The following NOTCH3 variants were observed in gnomAD, a reference collection of about 807,000 sequenced individuals.
NOTCH3 encodes the protein notch receptor 3.
Under a neutral mutation model 213.3 loss-of-function variants are expected in NOTCH3, and 86 were observed. The ratio of observed to expected loss-of-function variants is 0.40; its 90% CI spans 0.34 to 0.48. The LOEUF (loss-of-function observed/expected upper bound fraction) is 0.48. Ranked by LOEUF, NOTCH3 falls within the 20% of genes least tolerant of loss-of-function variation. The pLI is 0.57. For missense variants in NOTCH3, 2,783 were observed against 3,272.6 expected (o/e 0.85, Z 3.65); for synonymous variants, 1,354 against 1,355.9 (o/e 1.00, Z 0.03).
rs532321489 is a variant in NOTCH3 at position 15,190,587 on chromosome 19, TTC to T, written c.1036+835_1036+836del. Among the ~76,000 whole-genome samples, 18 of 152,284 alleles carry T rather than the reference TTC, an allele frequency of 1.2e-4. 1 individual carries two copies. In the South Asian group the frequency reaches 3.7e-3, roughly 32 times the overall value. The stretch of plus-strand genomic sequence containing the variant: ...AAGCTGCCTCCAGCATCATCTTTTT[TTC>T]TCTCTCTTTTTTGTTATACACGGTC... On this transcript the variant is annotated intron_variant, in intron 6 of 32. Coordinates refer to ENST00000263388, the MANE Select transcript of NOTCH3 (RefSeq NM_000435.3).
At position 15,174,158 on chromosome 19, in the gene NOTCH3, G is replaced by C. The variant is rs1188836728; in HGVS notation, c.4646C>G (p.Ala1549Gly). 6.2e-7 allele frequency: 1 copy of C among 1,609,578 alleles called. No homozygotes were observed. Among genetic ancestry groups the C allele is most frequent in the Non-Finnish European group, 8.5e-7 (1 of 1,179,228 alleles). Residue 1549 changes from alanine (A) to glycine (G), a missense_variant, in exon 25 of 33, where the codon GCG becomes GGG. Ala to Gly is a moderately conservative substitution (Grantham distance 60). Around this residue, in one of 6 missense-constraint regions of NOTCH3, gnomAD observed 636 missense variants for 801.8 expected, o/e 0.79. Coordinates refer to ENST00000263388, the MANE Select transcript of NOTCH3 (RefSeq NM_000435.3). ...LRTSLRFRLD[A>G]HGQAMVFPYH... ...AGGGAAGACCATGGCCTGGCCGTGCGCGTCCAGGCGGAAGCGCAGCGAGGT... is the reference window on the plus strand; with the variant it reads ...AGGGAAGACCATGGCCTGGCCGTGCCCGTCCAGGCGGAAGCGCAGCGAGGT...
chr19:15,197,025 A>G (rs887180053), intron 2 of NOTCH3, among the ~76,000 whole-genome samples: 2 of 152,208 alleles, frequency 1.3e-5, no homozygotes, highest in Non-Finnish European at 2.9e-5. Context: ...GCCCAAAGTC[A>G]CACTGCAAGT....
At position 15,167,417 on chromosome 19, in the gene NOTCH3, G is replaced by A. The variant is rs754274424; in HGVS notation, c.5200-6C>T. 9.4e-6 allele frequency: 15 copies of A among 1,602,868 alleles called. No individual in the cohort carries two copies. In the African/African-American group the frequency reaches 1.9e-4, roughly 20 times the overall value. On this transcript the variant is annotated splice_polypyrimidine_tract_variant and splice_region_variant and intron_variant, in intron 28 of 32. Coordinates refer to ENST00000263388, the MANE Select transcript of NOTCH3 (RefSeq NM_000435.3). ...CCCATGCCTGGCTCCTCTACCTGGA[G>A]GGGCAGGCACCCTGGATCTCAGATC...
At chr19:15,199,657 AC>A (rs2046995636) in intron 1 of NOTCH3, among the ~76,000 whole-genome samples, 1 of 152,156 alleles carries the variant, frequency 6.6e-6, no homozygotes, top group South Asian at 2.1e-4. Context: ...CATCTCTGTT[AC>A]GTGACCTAGA....
chr19:15,164,617 C>T (rs1254013994), intron 31 of NOTCH3, among the ~76,000 whole-genome samples: 1 of 151,732 alleles, frequency 6.6e-6, no homozygotes, highest in Non-Finnish European at 1.5e-5. Flanking sequence ...TCTTCATTTG[C>T]CTCAGTCACA....
chr19:15,183,642 G>A (rs1042476230), intron 16 of NOTCH3, among the ~76,000 whole-genome samples: 7 of 152,024 alleles, frequency 4.6e-5, no homozygotes, highest in South Asian at 2.1e-4. Context: ...CAGGTGATCC[G>A]CCCACCTTGG....
intron 24 of NOTCH3, among the ~76,000 whole-genome samples, chr19:15,175,304 G>T: frequency 7.2e-6 from 1 of 139,258 alleles, no homozygotes; most frequent in African/African-American, 3.1e-5. Context: ...AGGCCAAGGT[G>T]TACGGATAAC....
chr19:15,183,049 G>A (rs1342720651), intron 16 of NOTCH3, among the ~76,000 whole-genome samples: 5 of 152,116 alleles, frequency 3.3e-5, no homozygotes. Flanking sequence ...CCAGGAGTTT[G>A]AGACCAGCCT....
Position 15,173,748 on chromosome 19 carries a change from A to AAGAAGAAGAAGGAGAAGGAGAAGG in NOTCH3, c.4736+319_4736+320insCCTTCTCCTTCTCCTTCTTCTTCT, listed in dbSNP as rs1568351752. ...TCAAAAAAAAAAAAAAAAAGAAAAG[A>AAGAAGAAGAAGGAGAAGGAGAAGG]AGAAGGAGAAGGAGAAGGAGAAGGA... On this transcript the variant is annotated intron_variant, in intron 25 of 32. Coordinates refer to ENST00000263388, the MANE Select transcript of NOTCH3 (RefSeq NM_000435.3). 5.4e-4 allele frequency among the ~76,000 whole-genome samples: 3 copies of AAGAAGAAGAAGGAGAAGGAGAAGG among 5,516 alleles called. No individual in the cohort carries two copies. In the African/African-American group the frequency reaches 8.9e-3, roughly 16 times the overall value. The allele number at this position is 5,516 out of a possible 152,430, so 3.6% of individuals were successfully genotyped here. A position where few individuals can be genotyped will look rare whatever the true frequency, so the allele number is the denominator to read the frequency against.
rs771337440 is a variant in NOTCH3 at position 15,161,524 on chromosome 19, C to T, written c.6104G>A (p.Gly2035Asp). ...GAGCAGAGGCCCCAGGCCGTGGGGACCGGGGGGGCTGCGGGGCCCACTGGG... is the reference window on the plus strand; with the variant it reads ...GAGCAGAGGCCCCAGGCCGTGGGGATCGGGGGGGCTGCGGGGCCCACTGGG... ...DQPSGPRSPP[G>D]PHGLGPLLCP... The change falls in exon 33 of 33, where the codon GGT becomes GAT. Residue 2035 changes from glycine (G) to aspartate (D), a missense_variant. Transcript: ENST00000263388. 2 of 1,599,788 alleles carry T rather than the reference C, an allele frequency of 1.3e-6. No homozygotes were observed. Among genetic ancestry groups the T allele is most frequent in the Non-Finnish European group, 1.7e-6 (2 of 1,173,422 alleles).
chr19:15,172,463 G>A (rs1015079501), intron 25 of NOTCH3, among the ~76,000 whole-genome samples: 4 of 151,708 alleles, frequency 2.6e-5, no homozygotes, highest in Non-Finnish European at 4.4e-5. Flanking sequence ...GCTTAGCCAG[G>A]GGCTGGTACA....
chr19:15,164,156 G>A (rs1173270000), intron 31 of NOTCH3, among the ~76,000 whole-genome samples: 1 of 152,092 alleles, frequency 6.6e-6, no homozygotes, highest in African/African-American at 2.4e-5. Context: ...ATTATACTAA[G>A]AGCCATTGAA....
chr19:15,170,867 C>G, intron 25 of NOTCH3, 42 bp from the exon 26 acceptor site: 1 of 1,603,038 alleles, frequency 6.2e-7, no homozygotes, highest in Non-Finnish European at 8.5e-7. Context: ...TCAAAAATTG[C>G]CCGATGCACC....
Position 15,161,228 on chromosome 19 carries a change from C to T in NOTCH3, c.6400G>A (p.Ala2134Thr), listed in dbSNP as rs763143339. The T allele has an allele frequency of 4.5e-6, 7 of 1,545,696 alleles. No homozygotes were observed. In the South Asian group the frequency reaches 8.3e-5, roughly 18 times the overall value. ...CCACCAAGCTGTGCCAGAGACACTG[C>T]AGTGGCAGTGGCAGCTGCATAGGGC... ...EGPYAAATAT[A>T]VSLAQLGGPG... The change falls in exon 33 of 33, where the codon GCA becomes ACA. Residue 2134 changes from alanine to threonine, a missense_variant. Around this residue, in one of 6 missense-constraint regions of NOTCH3, gnomAD observed 441 missense variants for 432.1 expected, o/e 1.02. Transcript: ENST00000263388.
intron 28 of NOTCH3, among the ~76,000 whole-genome samples, chr19:15,169,140 C>CA (rs1390189538): frequency 1.3e-5 from 2 of 151,128 alleles, no homozygotes; most frequent in Non-Finnish European, 2.9e-5. Context: ...GACCCTAATC[C>CA]AATAGGATTG....
Position 15,192,281 on chromosome 19 carries a change from G to T in NOTCH3, c.358C>A (p.Pro120Thr). Residue 120 changes from proline to threonine, a missense_variant, in exon 4 of 33, where the codon CCA (proline) becomes ACA (threonine). Pro to Thr is a conservative substitution (Grantham distance 38). Around this residue, in one of 6 missense-constraint regions of NOTCH3, gnomAD observed 708 missense variants for 906.6 expected, o/e 0.78. Transcript: ENST00000263388. ...RGFRGPDCSL[P>T]DPCLSSPCAH... is the part of the protein sequence containing the mutation. ...CAAGGGCTGCTGAGGCAGGGATCTG[G>T]CAGGGAGCAGTCAGGGCCTGGAGGG... The T allele has an allele frequency of 6.2e-7, 1 of 1,602,346 alleles. No individual in the cohort carries two copies. The highest frequency in any genetic ancestry group is 1.3e-5 in the African/African-American group (1 of 74,806).
rs2145402151 is a variant in NOTCH3, at chr19:15,170,802, T to A, written c.4760A>T (p.Asp1587Val). 6.2e-7 allele frequency: 1 copy of A among 1,613,502 alleles called. No individual in the cohort carries two copies. Among genetic ancestry groups the A allele is most frequent in the Non-Finnish European group, 8.5e-7 (1 of 1,179,948 alleles). The change falls in exon 26 of 33, where the codon GAC becomes GTC. Residue 1587 changes from aspartate to valine, a missense_variant. By Grantham distance (152) the Asp-to-Val change is radical. Transcript: ENST00000263388. ...VIGSVVMLEI[D>V]NRLCLQSPEN... ...AGGCGACTGCAGGCAGAGCCGGTTG[T>A]CAATCTCCAGCATTACTACCGAGCT... is the stretch of plus-strand genomic sequence containing the variant.
rs774932838 is a variant in NOTCH3, at chr19:15,161,387, C to T, written c.6241G>A (p.Gly2081Ser). 26 of 1,524,682 alleles carry T rather than the reference C, an allele frequency of 1.7e-5. No homozygotes were observed. Among genetic ancestry groups the T allele is most frequent in the Non-Finnish European group, 2.3e-5 (26 of 1,137,220 alleles). The allele number at this position is 1,524,682 out of a possible 1,614,324, so 94.4% of individuals were successfully genotyped here. A position where few individuals can be genotyped will look rare whatever the true frequency, so the allele number is the denominator to read the frequency against. ...GLGPQGPRGR[G>S]KKLTLACPGP... ...GGGCAGGCCAGCGTCAGCTTCTTGC[C>T]CCGCCCCCGGGGCCCCTGCGGCCCC... Residue 2081 changes from glycine (G) to serine (S), a missense_variant, in exon 33 of 33, where the codon GGC becomes AGC. By Grantham distance (56) the Gly-to-Ser change is moderately conservative (BLOSUM62 0). Transcript: ENST00000263388.
chr19:15,200,139 C>A (rs1479314737), intron 1 of NOTCH3, among the ~76,000 whole-genome samples: 1 of 150,312 alleles, frequency 6.7e-6, no homozygotes, highest in Non-Finnish European at 1.5e-5. Flanking sequence ...GCCCTCGCCC[C>A]TTCCCCTCCC....
Sources: gnomAD v4.1 joint callset for allele counts (sites outside exome capture counted in the v4.1 genomes callset) on GRCh38, gnomAD v4.1.1 for gene constraint, gnomAD v4.1.1 regional missense constraint, MANE v1.5 for transcripts, NCBI Gene and HGNC (gene_info 2026-07-23, HGNC 2026-07-21) for gene names.